Variants in KCNMA1 observed in about 807,000 individuals in gnomAD.
The protein encoded by KCNMA1 is Calcium-activated potassium channel subunit alpha-1.
In KCNMA1, 29 loss-of-function variants were observed where a neutral mutation model predicts 140.0. The ratio of observed to expected loss-of-function variants is 0.21; its 90% CI spans 0.15 to 0.28. The LOEUF (loss-of-function observed/expected upper bound fraction) is 0.28. Among genes scored for constraint, KCNMA1 ranks in the 10% least tolerant of loss-of-function variants. KCNMA1 has a pLI of 1.00. For missense variants in KCNMA1, 880 were observed against 1,602.2 expected, an observed-to-expected ratio of 0.55 and a Z score of 7.70; for synonymous variants, 612 against 611.9, an observed-to-expected ratio of 1.00 and a Z score of 0.00.
chr10:77,621,417 G>T (rs2091325519), intron 1 of KCNMA1, among the ~76,000 whole-genome samples: 1 of 152,046 alleles, frequency 6.6e-6, no homozygotes, highest in Non-Finnish European at 1.5e-5. Flanking sequence ...TCCACACCAG[G>T]TTGCACAGGC....
At chr10:77,329,961 C>A (rs999129334) in intron 2 of KCNMA1, among the ~76,000 whole-genome samples, 14 of 152,140 alleles carry the variant, frequency 9.2e-5, no homozygotes, top group Admixed American at 2.0e-4. Context: ...CATTGTACAA[C>A]CCCAGTAAGG....
At chr10:77,459,879 CACAATA>C in intron 1 of KCNMA1, among the ~76,000 whole-genome samples, 1 of 152,164 alleles carries the variant, frequency 6.6e-6, no homozygotes, top group Non-Finnish European at 1.5e-5. Context: ...ATAAAGTGGA[CACAATA>C]ACAATAACTT....
intron 2 of KCNMA1, among the ~76,000 whole-genome samples, chr10:77,388,374 C>A (rs2095691382): frequency 1.3e-5 from 2 of 152,324 alleles, no homozygotes; most frequent in South Asian, 4.1e-4. Context: ...CTGATTTCAT[C>A]AAGGTAAAGA....
chr10:77,372,046 T>C (rs959681929), intron 2 of KCNMA1, among the ~76,000 whole-genome samples: 1 of 152,204 alleles, frequency 6.6e-6, no homozygotes, highest in African/African-American at 2.4e-5. Context: ...CTTCTTGAGT[T>C]CACATTTGTT....
At chr10:77,466,582 A>C (rs985400187) in intron 1 of KCNMA1, among the ~76,000 whole-genome samples, 2 of 152,228 alleles carry the variant, frequency 1.3e-5, no homozygotes, top group Non-Finnish European at 2.9e-5. Flanking sequence ...ATATATGTTA[A>C]ATTGTAATCA....
chr10:77,599,633 C>T (rs79498258), intron 1 of KCNMA1, among the ~76,000 whole-genome samples: 3,119 of 152,254 alleles, frequency 0.02, 87 homozygotes, highest in African/African-American at 0.062. Flanking sequence ...GTTCCCACTG[C>T]GCAGAGTTGA....
At chr10:77,560,758 A>G (rs1013730369) in intron 1 of KCNMA1, among the ~76,000 whole-genome samples, 1 of 152,216 alleles carries the variant, frequency 6.6e-6, no homozygotes, top group African/African-American at 2.4e-5. Context: ...CAAGCACCCC[A>G]TCCCCCATTC....
intron 2 of KCNMA1, among the ~76,000 whole-genome samples, chr10:77,265,791 T>C (rs1038059016): frequency 1.3e-5 from 2 of 151,592 alleles, no homozygotes; most frequent in African/African-American, 4.9e-5. Flanking sequence ...CAAAAATACA[T>C]AGGCTTAGGC....
intron 16 of KCNMA1, chr10:77,022,852 C>G: frequency 2.4e-6 from 1 of 414,018 alleles, no homozygotes. Flanking sequence ...TCTGCTAGGG[C>G]TAGGGGATTG....
At chr10:77,225,623 G>T (rs2051088452) in intron 3 of KCNMA1, among the ~76,000 whole-genome samples, 1 of 152,194 alleles carries the variant, frequency 6.6e-6, no homozygotes, top group Admixed American at 6.5e-5. Context: ...GGAAGCATGG[G>T]AAACTCCTGC....
At chr10:77,375,047 C>CAT (rs72515543) in intron 2 of KCNMA1, among the ~76,000 whole-genome samples, 1 of 151,762 alleles carries the variant, frequency 6.6e-6, no homozygotes, top group South Asian at 2.1e-4. Context: ...CATCCAAAAA[C>CAT]AGTTATGGCC....
At chr10:77,429,884 T>A (rs1291596517) in intron 1 of KCNMA1, among the ~76,000 whole-genome samples, 1 of 152,130 alleles carries the variant, frequency 6.6e-6, no homozygotes, top group Non-Finnish European at 1.5e-5. Flanking sequence ...CAAGTCAGGG[T>A]TCAAAATCCT....
intron 1 of KCNMA1, among the ~76,000 whole-genome samples, chr10:77,525,014 TCA>T (rs2055039086): frequency 6.6e-6 from 1 of 152,200 alleles, no homozygotes; most frequent in African/African-American, 2.4e-5. Flanking sequence ...ACCATCAAGA[TCA>T]CAGTCCTCAA....
In KCNMA1 at chr10:76,885,107, A is replaced by G. The variant is rs1393860465; in HGVS notation, c.*2159T>C. On this transcript the variant is annotated 3_prime_UTR_variant, in exon 28 of 28. Transcript: ENST00000286628. ...AGCACTTTAACTGGCACATTCTTAT[A>G]GTTATAAATGTTCTGAGGGCGTAAC... 17 of 1,517,390 alleles carry G rather than the reference A, an allele frequency of 1.1e-5. No individual in the cohort carries two copies. Among genetic ancestry groups the G allele is most frequent in the South Asian group, 2.6e-5 (2 of 77,248 alleles). 94.0% of individuals were successfully genotyped at this position (1,517,390 alleles called of 1,614,324 possible).
In KCNMA1 at chr10:76,949,159, T is replaced by C; in HGVS notation, c.2692A>G (p.Lys898Glu). Residue 898 changes from lysine (K) to glutamate (E), a missense_variant, in exon 22 of 28, where the codon AAA (lysine) becomes GAA (glutamate). By Grantham distance (56) the Lys-to-Glu change is moderately conservative (BLOSUM62 1). Around this residue, in one of 13 missense-constraint regions of KCNMA1, gnomAD observed 82 missense variants for 170.1 expected, o/e 0.48. Coordinates refer to ENST00000286628, the MANE Select transcript of KCNMA1 (RefSeq NM_001161352.2). ...GGACTTACAGGCAATATGGACACTT[T>C]GGGGAAGTTATGAAGCGTCTCCCAT... ...REWETLHNFPKVSILPGTPLS... is the reference protein window; with the variant it reads ...REWETLHNFPEVSILPGTPLS... 1 of 1,613,770 alleles carries C rather than the reference T, an allele frequency of 6.2e-7. No individual in the cohort carries two copies. The highest frequency in any genetic ancestry group is 8.5e-7 in the Non-Finnish European group (1 of 1,179,626).
chr10:77,227,418 C>T (rs954225260), intron 3 of KCNMA1, among the ~76,000 whole-genome samples: 6 of 152,124 alleles, frequency 3.9e-5, no homozygotes, highest in Non-Finnish European at 7.4e-5. Flanking sequence ...GACATCAATG[C>T]TATACTCCCT....
chr10:77,039,883 C>CTTTTTTTTTTTTTTT lies in KCNMA1; in HGVS notation c.1750-261_1750-247dup, dbSNP rs34943268. 8.0e-3 allele frequency among the ~76,000 whole-genome samples: 632 copies of CTTTTTTTTTTTTTTT among 78,896 alleles called. 6 individuals carry two copies. The highest frequency in any genetic ancestry group is 0.014 in the Middle Eastern group (1 of 72). 51.8% of individuals were successfully genotyped at this position (78,896 alleles called of 152,430 possible). A position where few individuals can be genotyped will look rare whatever the true frequency, so the allele number is the denominator to read the frequency against. On this transcript the variant is annotated intron_variant, in intron 14 of 27. Transcript: ENST00000286628. ...TCTTTCCTTTTTCTTTTTTCTTTTT[C>CTTTTTTTTTTTTTTT]TTTTTTTTTTTTTTTTTTTTTTTGA...
intron 19 of KCNMA1, among the ~76,000 whole-genome samples, chr10:76,972,786 A>G (rs1258351928): frequency 6.6e-6 from 1 of 152,198 alleles, no homozygotes; most frequent in Non-Finnish European, 1.5e-5. Flanking sequence ...CAGCTTAAAT[A>G]TATGAACGCT....
In KCNMA1 at chr10:77,238,275, T is replaced by C. The variant is rs570307601; in HGVS notation, c.602+12920A>G. Among the ~76,000 whole-genome samples the C allele has an allele frequency of 1.4e-3, 210 of 152,228 alleles. 2 individuals carry two copies. The highest frequency in any genetic ancestry group is 1.6e-3 in the Admixed American group (24 of 15,300). On this transcript the variant is annotated intron_variant, in intron 3 of 27. Transcript: ENST00000286628. ...TTGTACAGAAGTGGCAGCTTTTGCATCTGTTTGGGTACCCAGTGGTCCCTA... is the reference window on the plus strand; with the variant it reads ...TTGTACAGAAGTGGCAGCTTTTGCACCTGTTTGGGTACCCAGTGGTCCCTA...
Sources: gnomAD v4.1 joint callset for allele counts (sites outside exome capture counted in the v4.1 genomes callset) on GRCh38, gnomAD v4.1.1 for gene constraint, gnomAD v4.1.1 regional missense constraint, MANE v1.5 for transcripts, NCBI Gene and HGNC (gene_info 2026-07-23, HGNC 2026-07-21) for gene names.